PRKN: variants seen among roughly 807,000 people sequenced by gnomAD.
PRKN encodes E3 ubiquitin-protein ligase parkin.
In PRKN, 56 loss-of-function variants were observed where a neutral mutation model predicts 59.5. That is an observed-to-expected ratio of 0.94 (90% CI 0.76 to 1.18). The LOEUF (loss-of-function observed/expected upper bound fraction) is 1.18. PRKN is among the 50% of genes most tolerant of loss of function. The pLI is 0.00. For synonymous variants in PRKN, 250 were observed against 222.1 expected, an observed-to-expected ratio of 1.13 and a Z score of -1.12; for missense variants, 657 against 596.4, an observed-to-expected ratio of 1.10 and a Z score of -1.06.
chr6:162,309,549 C>A (rs765899652), intron 2 of PRKN, among the ~76,000 whole-genome samples: 7 of 152,190 alleles, frequency 4.6e-5, no homozygotes, highest in Non-Finnish European at 7.3e-5. Context: ...ATCTTTATCT[C>A]AGCTGTCTTG....
At chr6:161,432,353 T>C (rs942678881) in intron 9 of PRKN, among the ~76,000 whole-genome samples, 3 of 141,482 alleles carry the variant, frequency 2.1e-5, no homozygotes, top group African/African-American at 7.8e-5. Context: ...TCACTTCCTC[T>C]GATTTTTTTT....
rs142701101 is a variant in PRKN, at chr6:162,619,303, C to T, written c.7+108359G>A. ...GACTACAGGCATGCACCACCACACCCGGCTAATTTTTAATTTTTTTTTTTA... is the reference window on the plus strand; with the variant it reads ...GACTACAGGCATGCACCACCACACCTGGCTAATTTTTAATTTTTTTTTTTA... On this transcript the variant is annotated intron_variant, in intron 1 of 11. Transcript: ENST00000366898. Among the ~76,000 whole-genome samples, 723 of 114,774 alleles carry T rather than the reference C, an allele frequency of 6.3e-3. 5 individuals carry two copies. The highest frequency in any genetic ancestry group is 0.027 in the African/African-American group (691 of 25,660). The allele number at this position is 114,774 out of a possible 152,430, so 75.3% of individuals were successfully genotyped here.
At chr6:162,493,508 T>C (rs1306291494) in intron 1 of PRKN, among the ~76,000 whole-genome samples, 1 of 152,174 alleles carries the variant, frequency 6.6e-6, no homozygotes, top group Non-Finnish European at 1.5e-5. Context: ...AAAAGGTTCA[T>C]ATTTTAGATA....
intron 3 of PRKN, among the ~76,000 whole-genome samples, chr6:162,220,890 C>G (rs950906908): frequency 6.6e-6 from 1 of 152,208 alleles, no homozygotes; most frequent in African/African-American, 2.4e-5. Flanking sequence ...CGTTACAATT[C>G]ATCCTTTCAC....
At chr6:162,295,824 T>C (rs1304479651) in intron 2 of PRKN, among the ~76,000 whole-genome samples, 1 of 152,150 alleles carries the variant, frequency 6.6e-6, no homozygotes, top group Non-Finnish European at 1.5e-5. Context: ...ACTGCAGTTG[T>C]CAGAATCTGA....
intron 1 of PRKN, among the ~76,000 whole-genome samples, chr6:162,498,725 A>C (rs1053507787): frequency 4.6e-5 from 7 of 151,200 alleles, no homozygotes; most frequent in African/African-American, 1.5e-4. Flanking sequence ...GTGTCAAAAA[A>C]CCTAATGTGT....
intron 1 of PRKN, among the ~76,000 whole-genome samples, chr6:162,612,653 T>A (rs915261111): frequency 2.0e-4 from 30 of 151,174 alleles, no homozygotes; most frequent in African/African-American, 7.0e-4. Flanking sequence ...AACGTTGCCT[T>A]AAACTGAAGC....
intron 4 of PRKN, among the ~76,000 whole-genome samples, chr6:162,075,523 A>G (rs964017427): frequency 6.6e-6 from 1 of 152,072 alleles, no homozygotes; most frequent in Non-Finnish European, 1.5e-5. Context: ...AAAATTATAA[A>G]AAGTCCACAT....
At chr6:161,567,575 GTGTT>G (rs1282121751) in intron 8 of PRKN, among the ~76,000 whole-genome samples, 1 of 152,118 alleles carries the variant, frequency 6.6e-6, no homozygotes, top group Non-Finnish European at 1.5e-5. Context: ...GTGTGTGTGT[GTGTT>G]TGCGCGTGTG....
At chr6:162,224,415 C>A (rs1238943517) in intron 3 of PRKN, among the ~76,000 whole-genome samples, 1 of 152,102 alleles carries the variant, frequency 6.6e-6, no homozygotes. Flanking sequence ...GTGTGCGAGG[C>A]TATACCATGC....
At chr6:162,449,872 C>CA (rs558290728) in intron 1 of PRKN, among the ~76,000 whole-genome samples, 121 of 151,820 alleles carry the variant, frequency 8.0e-4, no homozygotes, top group African/African-American at 2.0e-3. Flanking sequence ...GAAGAGTGAA[C>CA]AAAAAAAATG....
At chr6:162,612,576 A>T (rs986975177) in intron 1 of PRKN, among the ~76,000 whole-genome samples, 1 of 140,590 alleles carries the variant, frequency 7.1e-6, no homozygotes, top group Non-Finnish European at 1.5e-5. Flanking sequence ...CAGCCTGAGC[A>T]ACAAGAGTGA....
chr6:162,320,224 G>C (rs904863012), intron 2 of PRKN, among the ~76,000 whole-genome samples: 3 of 151,520 alleles, frequency 2.0e-5, no homozygotes, highest in Admixed American at 2.0e-4. Flanking sequence ...TGGACACTTA[G>C]GTTGATTCCA....
intron 2 of PRKN, among the ~76,000 whole-genome samples, chr6:162,320,811 A>C (rs1245779498): frequency 6.6e-6 from 1 of 151,894 alleles, no homozygotes; most frequent in Non-Finnish European, 1.5e-5. Flanking sequence ...TAAAAGAAGA[A>C]ATGAAAATGG....
At chr6:161,957,421 TTTGTTTGTTTGTTTG>T in intron 6 of PRKN, among the ~76,000 whole-genome samples, 1 of 99,828 alleles carries the variant, frequency 1.0e-5, no homozygotes, top group African/African-American at 4.5e-5. Flanking sequence ...TTTTTTTTTG[TTTGTTTGTTTGTTTG>T]TTTTTTTGAG....
rs186064353 is a variant in PRKN, at chr6:162,192,148, A to G, written c.534+8983T>C. On this transcript the variant is annotated intron_variant, in intron 4 of 11. Coordinates refer to ENST00000366898, the MANE Select transcript of PRKN (RefSeq NM_004562.3). ...TAGTATCAAGAAATATTTCTCTTAT[A>G]AATATTTTAAAAATGTATCATCCTG... is the stretch of plus-strand genomic sequence containing the variant. Among the ~76,000 whole-genome samples, 503 of 152,274 alleles carry G rather than the reference A, an allele frequency of 3.3e-3. 3 individuals are homozygous for G. Among genetic ancestry groups the G allele is most frequent in the Non-Finnish European group, 5.5e-3 (375 of 68,022 alleles).
chr6:162,524,711 A>AG (rs1187149668), intron 1 of PRKN, among the ~76,000 whole-genome samples: 5 of 152,194 alleles, frequency 3.3e-5, no homozygotes, highest in African/African-American at 1.2e-4. Context: ...AGGAAGACTA[A>AG]CTAGTTTGAG....
chr6:162,541,126 T>C (rs1286496455), intron 1 of PRKN, among the ~76,000 whole-genome samples: 1 of 152,160 alleles, frequency 6.6e-6, no homozygotes, highest in Non-Finnish European at 1.5e-5. Context: ...GAGTCCCTCC[T>C]AGGTGCCAGA....
intron 2 of PRKN, among the ~76,000 whole-genome samples, chr6:162,426,870 C>T (rs1789263301): frequency 6.6e-6 from 1 of 152,206 alleles, no homozygotes; most frequent in Non-Finnish European, 1.5e-5. Context: ...AGTAAGTTTT[C>T]CACATTAATG....
Sources: allele counts gnomAD v4.1 joint callset (sites outside exome capture counted in the v4.1 genomes callset), GRCh38; gene constraint gnomAD v4.1.1; transcripts MANE v1.5; gene names NCBI Gene and HGNC (gene_info 2026-07-23, HGNC 2026-07-21).